The following LRBA variants were observed in gnomAD, a reference collection of about 807,000 sequenced individuals.
The protein encoded by LRBA is LPS responsive beige-like anchor protein.
A neutral mutation model predicts 330.0 loss-of-function variants in LRBA; 176 were observed. The observed-to-expected ratio is 0.53, with a 90% CI of 0.47 to 0.60. The LOEUF (loss-of-function observed/expected upper bound fraction) is 0.60, where lower values mean the gene tolerates loss of function less well. Ranked by LOEUF, LRBA falls within the 20% of genes least tolerant of loss-of-function variation. The pLI, the probability that LRBA is intolerant of heterozygous loss-of-function variation, is 0.00. For synonymous variants in LRBA, 1,230 were observed against 1,193.0 expected (o/e 1.03, Z -0.64); for missense variants, 3,259 against 3,444.8 (o/e 0.95, Z 1.35).
chr4:150,808,512 C>A, intron 31 of LRBA, 114 bp from the exon 32 acceptor site: 2 of 616,368 alleles, frequency 3.2e-6, no homozygotes, highest in Non-Finnish European at 5.7e-6. Flanking sequence ...ATTTTTATGT[C>A]CATTACTATT....
intron 55 of LRBA, among the ~76,000 whole-genome samples, chr4:150,278,446 C>T (rs1747091932): frequency 7.1e-6 from 1 of 141,068 alleles, no homozygotes; most frequent in South Asian, 2.5e-4. Context: ...AGGCGGCCAG[C>T]AGCCTCGGCA....
At chr4:150,899,026 C>T (rs1195175007) in intron 14 of LRBA, among the ~76,000 whole-genome samples, 7 of 152,142 alleles carry the variant, frequency 4.6e-5, no homozygotes, top group Admixed American at 4.6e-4. Context: ...GTTATTGACT[C>T]CCCAGCATCT....
intron 2 of LRBA, among the ~76,000 whole-genome samples, chr4:150,935,349 C>T (rs1734981602): frequency 6.6e-6 from 1 of 151,854 alleles, no homozygotes; most frequent in South Asian, 2.1e-4. Flanking sequence ...TTCCTAAATA[C>T]CTATAATATC....
chr4:150,940,344 G>T (rs1449712633), intron 2 of LRBA, among the ~76,000 whole-genome samples: 1 of 152,216 alleles, frequency 6.6e-6, no homozygotes, highest in African/African-American at 2.4e-5. Flanking sequence ...CAAAGCTGCA[G>T]TGAGCTATGA....
At chr4:150,853,677 A>T (rs1227585334) in intron 22 of LRBA, among the ~76,000 whole-genome samples, 2 of 151,788 alleles carry the variant, frequency 1.3e-5, no homozygotes, top group East Asian at 1.9e-4. Context: ...GAAAAAGTAA[A>T]TTTTTTTTTA....
chr4:150,304,314 TAATA>T lies in LRBA; in HGVS notation c.7850-1526_7850-1523del, dbSNP rs1485777830. On this transcript the variant is annotated intron_variant, in intron 52 of 56. Transcript: ENST00000651943. Reference sequence around the variant, plus strand: ...ATTAAATTTTTAAAATTCTTGATTTTAATAAATCTAAGGCTTATTATGAAGGCTG... The same window carrying T: ...ATTAAATTTTTAAAATTCTTGATTTTAATCTAAGGCTTATTATGAAGGCTG... Among the ~76,000 whole-genome samples the T allele has an allele frequency of 3.9e-5, 6 of 152,282 alleles. No individual in the cohort carries two copies. The South Asian group carries it at 1.2e-3, about 32-fold the overall frequency.
intron 40 of LRBA, among the ~76,000 whole-genome samples, chr4:150,537,262 C>G (rs1457449915): frequency 6.6e-6 from 1 of 152,140 alleles, no homozygotes; most frequent in East Asian, 1.9e-4. Context: ...GCCGGTATAA[C>G]TGGGTATCCA....
At chr4:150,610,404 A>G (rs1775125072) in intron 37 of LRBA, among the ~76,000 whole-genome samples, 1 of 152,178 alleles carries the variant, frequency 6.6e-6, no homozygotes, top group Admixed American at 6.5e-5. Context: ...CCTGGCCAAC[A>G]TGGCGAAAAC....
At chr4:150,955,764 C>T (rs897602859) in intron 2 of LRBA, among the ~76,000 whole-genome samples, 39 of 148,044 alleles carry the variant, frequency 2.6e-4, no homozygotes, top group Non-Finnish European at 1.3e-4. Flanking sequence ...GGGTGGTGGG[C>T]GCCTGTAATC....
chr4:150,936,404 G>GT (rs538791923), intron 2 of LRBA, among the ~76,000 whole-genome samples: 157 of 151,980 alleles, frequency 1.0e-3, no homozygotes, highest in African/African-American at 3.6e-3. Flanking sequence ...TCTGGTCCAG[G>GT]TCCAAGAACA....
chr4:150,765,763 G>A lies in LRBA; in HGVS notation c.5581-3916C>T, dbSNP rs190427544. 6.6e-5 allele frequency among the ~76,000 whole-genome samples: 10 copies of A among 152,090 alleles called. No individual in the cohort carries two copies. The East Asian group carries it at 1.9e-3, about 29-fold the overall frequency. ...CATATATTAAGTAGGCAGGTAAAGG[G>A]TAAACATCATTTAGATTTTATTTTC... On this transcript the variant is annotated intron_variant, in intron 34 of 56. Transcript: ENST00000651943.
intron 40 of LRBA, chr4:150,580,148 G>A (rs542197216): frequency 1.2e-5 from 2 of 169,860 alleles, no homozygotes; most frequent in South Asian, 1.3e-4. Flanking sequence ...GGCCTCCCCG[G>A]AGAAGGCTGG....
intron 42 of LRBA, among the ~76,000 whole-genome samples, chr4:150,477,058 T>C (rs1176076896): frequency 6.6e-6 from 1 of 152,172 alleles, no homozygotes; most frequent in Non-Finnish European, 1.5e-5. Context: ...GAGTAGCTCA[T>C]AAATGCCAAC....
At chr4:150,969,942 C>T (rs1226338755) in intron 2 of LRBA, among the ~76,000 whole-genome samples, 1 of 152,170 alleles carries the variant, frequency 6.6e-6, no homozygotes, top group East Asian at 1.9e-4. Context: ...CACTACTGAA[C>T]AGCATTGCAT....
intron 40 of LRBA, among the ~76,000 whole-genome samples, chr4:150,548,912 T>C (rs951374060): frequency 2.6e-5 from 4 of 152,156 alleles, no homozygotes; most frequent in Non-Finnish European, 5.9e-5. Context: ...GCAAAGAAAA[T>C]AAGCTCTGTG....
Position 150,467,787 on chromosome 4 carries a change from T to G in LRBA, c.6668-2A>C. On this transcript the variant is annotated splice_acceptor_variant, in intron 43 of 56. Transcript: ENST00000651943. LOFTEE classifies it high-confidence loss of function. ...GATTTAAGTCATTATAACTCCGTCC[T>G]GATAGGGAAAAAAGTTACTCGTAAT... 7.2e-7 allele frequency: 1 copy of G among 1,382,086 alleles called. No homozygotes were observed. The highest frequency in any genetic ancestry group is 1.3e-5 in the South Asian group (1 of 78,586). 85.6% of individuals were successfully genotyped at this position (1,382,086 alleles called of 1,614,324 possible). A position where few individuals can be genotyped will look rare whatever the true frequency, so the allele number is the denominator to read the frequency against.
chr4:150,958,549 T>A (rs1352379602), intron 2 of LRBA, among the ~76,000 whole-genome samples: 2 of 149,342 alleles, frequency 1.3e-5, no homozygotes, highest in Non-Finnish European at 2.9e-5. Context: ...TTGGCTCCTC[T>A]TTACTTATGC....
At chr4:150,999,462 T>C (rs1397194835) in intron 2 of LRBA, among the ~76,000 whole-genome samples, 13 of 151,942 alleles carry the variant, frequency 8.6e-5, no homozygotes. Context: ...AGATAAGGTC[T>C]ATGTTGCCCA....
chr4:150,829,378 CTCTTT>C (rs1393777346), intron 29 of LRBA, among the ~76,000 whole-genome samples: 1 of 152,214 alleles, frequency 6.6e-6, no homozygotes, highest in Non-Finnish European at 1.5e-5. Context: ...CTCCTTTTCT[CTCTTT>C]TAATTCTCAC....
Sources: gnomAD v4.1 joint callset for allele counts (sites outside exome capture counted in the v4.1 genomes callset) on GRCh38, gnomAD v4.1.1 for gene constraint, MANE v1.5 for transcripts, NCBI Gene and HGNC (gene_info 2026-07-23, HGNC 2026-07-21) for gene names.